SPG21: variants seen among roughly 807,000 people sequenced by gnomAD.
The protein encoded by SPG21 is SPG21 abhydrolase domain containing, maspardin.
SPG21 carries 26 observed loss-of-function variants against 38.9 expected under a neutral mutation model. That is an observed-to-expected ratio of 0.67 (90% CI 0.49 to 0.93). SPG21 has a LOEUF of 0.93. Among genes scored for constraint, SPG21 ranks in the 40% least tolerant of loss-of-function variants. The pLI, the probability that SPG21 is intolerant of heterozygous loss-of-function variation, is 0.00. For synonymous variants in SPG21, 136 were observed against 128.9 expected, an observed-to-expected ratio of 1.05 and a Z score of -0.37; for missense variants, 333 against 376.5, an observed-to-expected ratio of 0.88 and a Z score of 0.96.
chr15:64,965,725 G>A (rs1035327112), intron 7 of SPG21, among the ~76,000 whole-genome samples: 23 of 151,788 alleles, frequency 1.5e-4, no homozygotes, highest in Admixed American at 2.6e-4. Context: ...TTGGTGGGGG[G>A]AAATTCTTTT....
intron 3 of SPG21, among the ~76,000 whole-genome samples, chr15:64,977,366 G>C (rs1385799660): frequency 6.6e-6 from 1 of 150,884 alleles, no homozygotes; most frequent in Non-Finnish European, 1.5e-5. Flanking sequence ...CACCCAGCTT[G>C]TTTGTTTTTG....
chr15:64,966,696 G>A lies in SPG21; in HGVS notation c.670-1236C>T, dbSNP rs888282801. ...GGGCAGATCATGAGGTCAGGAGATC[G>A]AGACCATCCTGGCTAACATGGTGAA... On this transcript the variant is annotated intron_variant, in intron 7 of 8. Coordinates refer to ENST00000204566, the MANE Select transcript of SPG21 (RefSeq NM_016630.7). Among the ~76,000 whole-genome samples the A allele has an allele frequency of 2.6e-5, 4 of 152,152 alleles. No homozygotes were observed. The South Asian group carries it at 6.2e-4, about 24-fold the overall frequency.
chr15:64,977,487 T>A (rs765858892), intron 3 of SPG21, among the ~76,000 whole-genome samples: 1 of 151,890 alleles, frequency 6.6e-6, no homozygotes, highest in Admixed American at 6.6e-5. Context: ...AGCCCCCCGG[T>A]AGCTGGAATC....
At chr15:64,970,678 T>C (rs561908680) in intron 5 of SPG21, among the ~76,000 whole-genome samples, 1 of 152,350 alleles carries the variant, frequency 6.6e-6, no homozygotes, top group East Asian at 1.9e-4. Flanking sequence ...TTTGCTACTA[T>C]TAGATTCAAC....
chr15:64,974,008 G>A (rs1457332845), intron 5 of SPG21, among the ~76,000 whole-genome samples: 1 of 151,748 alleles, frequency 6.6e-6, no homozygotes, highest in African/African-American at 2.4e-5. Flanking sequence ...TAATAAGTGG[G>A]ATAAACAGAA....
intron 2 of SPG21, chr15:64,983,145 C>T: frequency 3.6e-6 from 1 of 279,170 alleles, no homozygotes; most frequent in Non-Finnish European, 7.5e-6. Context: ...GTAATCCTAG[C>T]TACTTGGCAG....
intron 5 of SPG21, among the ~76,000 whole-genome samples, chr15:64,973,244 C>T (rs972992664): frequency 3.9e-5 from 6 of 152,112 alleles, no homozygotes; most frequent in South Asian, 4.1e-4. Flanking sequence ...GTTGGGAGTA[C>T]GGCATGAGCC....
At position 64,986,680 on chromosome 15, in the gene SPG21, A is replaced by AAAAACAAAAC. The variant is rs5813336; in HGVS notation, c.-25+2975_-25+2984dup. Among the ~76,000 whole-genome samples the AAAAACAAAAC allele has an allele frequency of 3.8e-3, 569 of 148,864 alleles. 5 individuals carry two copies. Among genetic ancestry groups the AAAAACAAAAC allele is most frequent in the East Asian group, 7.6e-3 (38 of 4,974 alleles). Reference sequence around the variant, plus strand: ...GGGTGACAGAGTGAGAGTCTGTCTCAAAAACAAAACAAAACAAAACAAAAC... The same window carrying AAAAACAAAAC: ...GGGTGACAGAGTGAGAGTCTGTCTCAAAAACAAAACAAAACAAAACAAAACAAAACAAAAC... On this transcript the variant is annotated intron_variant, in intron 1 of 8. Coordinates refer to ENST00000204566, the MANE Select transcript of SPG21 (RefSeq NM_016630.7).
At chr15:64,980,737 C>CAACAAACAAACA (rs56821289) in intron 3 of SPG21, 127 bp downstream of exon 3, 439 of 863,086 alleles carry the variant, frequency 5.1e-4, no homozygotes, top group African/African-American at 1.6e-3. Flanking sequence ...GAATCCATCT[C>CAACAAACAAACA]AACAAACAAA....
rs1254614186 is a variant in SPG21 at position 64,963,833 on chromosome 15, T to TCCAACCTCCGCCTCCCGGGTTCACC, written c.811-122_811-98dup. The TCCAACCTCCGCCTCCCGGGTTCACC allele has an allele frequency of 4.5e-6, 5 of 1,106,444 alleles. No individual in the cohort carries two copies. The African/African-American group carries it at 7.7e-5, about 17-fold the overall frequency. The allele number at this position is 1,106,444 out of a possible 1,614,324, so 68.5% of individuals were successfully genotyped here. The stretch of plus-strand genomic sequence containing the variant: ...GTGCAGTGGCACTATCTTGGTTCAC[T>TCCAACCTCCGCCTCCCGGGTTCACC]CCAACCTCCGCCTCCCGGGTTCACC... On this transcript the variant is annotated intron_variant, in intron 8 of 8. Transcript: ENST00000204566.
chr15:64,965,501 AAC>A (rs150355725), intron 7 of SPG21, 41 bp from the exon 8 acceptor site: 89 of 1,611,464 alleles, frequency 5.5e-5, no homozygotes, highest in Non-Finnish European at 6.2e-5. Context: ...GGAAAGGTAA[AAC>A]ACACACACAC....
chr15:64,981,972 A>G (rs1412637972), intron 2 of SPG21, among the ~76,000 whole-genome samples: 1 of 152,168 alleles, frequency 6.6e-6, no homozygotes, highest in African/African-American at 2.4e-5. Flanking sequence ...GTGGCAGCAC[A>G]CTAACCAGGG....
At chr15:64,983,707 C>T (rs2085930307) in intron 1 of SPG21, 114 bp from the exon 2 acceptor site, 2 of 716,908 alleles carry the variant, frequency 2.8e-6, no homozygotes, top group East Asian at 2.8e-5. Flanking sequence ...GCCAAGGAAA[C>T]TGGCTATTTT....
intron 2 of SPG21, chr15:64,983,123 T>C: frequency 3.5e-6 from 1 of 287,886 alleles, no homozygotes. Flanking sequence ...CTGAGTGTGG[T>C]AGCGCATGCC....
chr15:64,980,303 C>A (rs2085857023), intron 3 of SPG21, among the ~76,000 whole-genome samples: 1 of 152,152 alleles, frequency 6.6e-6, no homozygotes, highest in South Asian at 2.1e-4. Context: ...GGAGAGAATG[C>A]ACGTAAATGC....
At chr15:64,974,829 A>C in intron 4 of SPG21, 82 bp from the exon 5 acceptor site, 1 of 1,492,374 alleles carries the variant, frequency 6.7e-7, no homozygotes, top group South Asian at 1.1e-5. Context: ...TTCAATTATC[A>C]CTAACCACAG....
intron 5 of SPG21, among the ~76,000 whole-genome samples, chr15:64,971,882 G>A (rs2085673559): frequency 6.6e-6 from 1 of 152,164 alleles, no homozygotes; most frequent in South Asian, 2.1e-4. Flanking sequence ...CTGTTGCCCA[G>A]GCTGGTCTAG....
At chr15:64,968,340 C>CAAAAAAA (rs11305475) in intron 7 of SPG21, among the ~76,000 whole-genome samples, 2 of 109,700 alleles carry the variant, frequency 1.8e-5, no homozygotes, top group Non-Finnish European at 3.5e-5. Flanking sequence ...ACCCTGTTTC[C>CAAAAAAA]AAAAAAAAAA....
At position 64,974,538 on chromosome 15, in the gene SPG21, C is replaced by T; in HGVS notation, c.452+64G>A. Reference sequence around the variant, plus strand: ...ATATAAGTCTTCCCTTCCTAATGTACCAAACACTCAAAAGCCAACATTTTC... The same window carrying T: ...ATATAAGTCTTCCCTTCCTAATGTATCAAACACTCAAAAGCCAACATTTTC... On this transcript the variant is annotated intron_variant, in intron 5 of 8. Transcript: ENST00000204566. 2.0e-5 allele frequency: 32 copies of T among 1,589,968 alleles called. No homozygotes were observed. In the South Asian group the frequency reaches 3.5e-4, roughly 18 times the overall value.
Sources: allele counts gnomAD v4.1 joint callset (sites outside exome capture counted in the v4.1 genomes callset), GRCh38; gene constraint gnomAD v4.1.1; transcripts MANE v1.5; gene names NCBI Gene and HGNC (gene_info 2026-07-23, HGNC 2026-07-21).